KCNIP4: variants seen among roughly 807,000 people sequenced by gnomAD.
KCNIP4 encodes potassium voltage-gated channel interacting protein 4.
A neutral mutation model predicts 34.0 loss-of-function variants in KCNIP4; 12 were observed. That is an observed-to-expected ratio of 0.35 (90% CI 0.23 to 0.57). The LOEUF (loss-of-function observed/expected upper bound fraction) is 0.57, where lower values mean the gene tolerates loss of function less well. KCNIP4 is among the 20% of genes least tolerant of loss of function. The probability of loss-of-function intolerance (pLI) is 0.83; values close to 1 mark genes in which losing one functional copy is unlikely to be tolerated. For missense variants in KCNIP4, 238 were observed against 311.7 expected, an observed-to-expected ratio of 0.76 and a Z score of 1.78; for synonymous variants, 124 against 102.2, an observed-to-expected ratio of 1.21 and a Z score of -1.29.
chr4:21,812,813 A>G (rs1252243317), intron 1 of KCNIP4, among the ~76,000 whole-genome samples: 3 of 152,200 alleles, frequency 2.0e-5, no homozygotes, highest in South Asian at 4.1e-4. Flanking sequence ...CTATTGGTCA[A>G]AATCACTGGT....
At chr4:21,219,876 A>G (rs940305776) in intron 1 of KCNIP4, among the ~76,000 whole-genome samples, 4 of 152,190 alleles carry the variant, frequency 2.6e-5, no homozygotes, top group Non-Finnish European at 2.9e-5. Flanking sequence ...TTTTCAGAAA[A>G]AGAAATATTA....
chr4:20,875,101 G>GA (rs541206821), intron 2 of KCNIP4, among the ~76,000 whole-genome samples: 2,414 of 142,556 alleles, frequency 0.017, 65 homozygotes, highest in African/African-American at 0.052. Flanking sequence ...CAGAGAGAAG[G>GA]AAAAAAAAAA....
chr4:21,844,006 A>G lies in KCNIP4; in HGVS notation c.61+104565T>C, dbSNP rs151084975. On this transcript the variant is annotated intron_variant, in intron 1 of 8. Coordinates refer to ENST00000382152, the MANE Select transcript of KCNIP4 (RefSeq NM_025221.6). ...CCCCTAAGCATAGTAACTGAAAGGA[A>G]TAGTAAGATAATAAATGAGTTCTCA... 7.2e-5 allele frequency: 11 copies of G among 152,212 alleles called. No homozygotes were observed. The East Asian group carries it at 2.1e-3, about 29-fold the overall frequency. 9.4% of individuals were successfully genotyped at this position (152,212 alleles called of 1,614,324 possible).
intron 1 of KCNIP4, among the ~76,000 whole-genome samples, chr4:21,664,426 AAT>A (rs1748685773): frequency 6.6e-6 from 1 of 152,172 alleles, no homozygotes; most frequent in Non-Finnish European, 1.5e-5. Context: ...AAAAAAAAAA[AAT>A]AGGAACCAGA....
intron 1 of KCNIP4, among the ~76,000 whole-genome samples, chr4:21,914,031 C>T (rs1370810194): frequency 2.0e-5 from 3 of 152,134 alleles, no homozygotes; most frequent in African/African-American, 4.8e-5. Flanking sequence ...GAAGACAAGA[C>T]TAGAGCCAGC....
chr4:21,304,436 C>G (rs573054264), intron 1 of KCNIP4: 2 of 152,464 alleles, frequency 1.3e-5, no homozygotes, highest in Non-Finnish European at 2.9e-5. Context: ...GCCGCCGCCA[C>G]CAGTGGCTTT....
intron 1 of KCNIP4, among the ~76,000 whole-genome samples, chr4:21,763,292 A>C (rs974966022): frequency 1.3e-5 from 2 of 152,176 alleles, no homozygotes; most frequent in African/African-American, 2.4e-5. Flanking sequence ...ATTACACACA[A>C]GGTGCTGGTG....
rs1303014719 is a variant in KCNIP4, at chr4:21,015,746, T to C, written c.62-133037A>G. Among the ~76,000 whole-genome samples, 11 of 135,730 alleles carry C rather than the reference T, an allele frequency of 8.1e-5. 1 individual carries two copies. Among genetic ancestry groups the C allele is most frequent in the Non-Finnish European group, 1.1e-4 (7 of 65,222 alleles). 89.0% of individuals were successfully genotyped at this position (135,730 alleles called of 152,430 possible). On this transcript the variant is annotated intron_variant, in intron 1 of 8. Transcript: ENST00000382152. ...TTATTTCTAGATATATATTATATAA[T>C]ATGATATATAAATATATACAATATA...
chr4:21,321,134 A>G (rs1230204839), intron 1 of KCNIP4, among the ~76,000 whole-genome samples: 4 of 152,150 alleles, frequency 2.6e-5, no homozygotes, highest in African/African-American at 9.7e-5. Flanking sequence ...ATACATTTGC[A>G]AAGTAATGAA....
chr4:20,748,142 C>T (rs1752755877), intron 5 of KCNIP4, among the ~76,000 whole-genome samples: 1 of 152,108 alleles, frequency 6.6e-6, no homozygotes, highest in Non-Finnish European at 1.5e-5. Flanking sequence ...TACAAAGGCT[C>T]CTCATCTCCT....
chr4:20,809,193 TA>T (rs1715429652), intron 3 of KCNIP4, among the ~76,000 whole-genome samples: 1 of 152,182 alleles, frequency 6.6e-6, no homozygotes, highest in South Asian at 2.1e-4. Flanking sequence ...TCTATATTCT[TA>T]GCAAATCATT....
chr4:21,385,279 G>A (rs1309560172), intron 1 of KCNIP4, among the ~76,000 whole-genome samples: 1 of 152,118 alleles, frequency 6.6e-6, no homozygotes, highest in African/African-American at 2.4e-5. Flanking sequence ...GCAAATGCTG[G>A]GTGATTTAAG....
intron 1 of KCNIP4, among the ~76,000 whole-genome samples, chr4:21,272,831 T>C (rs959976574): frequency 5.9e-5 from 9 of 152,224 alleles, no homozygotes; most frequent in Non-Finnish European, 1.2e-4. Context: ...TATATGCTAA[T>C]GGAATTCTAA....
intron 3 of KCNIP4, among the ~76,000 whole-genome samples, chr4:20,811,490 CAT>C (rs1491560499): frequency 4.7e-5 from 5 of 107,510 alleles, no homozygotes; most frequent in African/African-American, 6.3e-5. Context: ...TGTGTGTGTG[CAT>C]GTGTGTGTGT....
intron 1 of KCNIP4, among the ~76,000 whole-genome samples, chr4:21,471,980 A>G (rs1395310329): frequency 6.6e-6 from 1 of 152,172 alleles, no homozygotes; most frequent in Non-Finnish European, 1.5e-5. Context: ...TACTTCATGA[A>G]CTGAAATGTA....
intron 1 of KCNIP4, among the ~76,000 whole-genome samples, chr4:21,926,417 C>T (rs1729245473): frequency 6.6e-6 from 1 of 152,136 alleles, no homozygotes; most frequent in Non-Finnish European, 1.5e-5. Flanking sequence ...TATAACTTTG[C>T]TCGAGTCTAG....
At chr4:21,881,919 A>G (rs2109386056) in intron 1 of KCNIP4, among the ~76,000 whole-genome samples, 1 of 152,298 alleles carries the variant, frequency 6.6e-6, no homozygotes, top group Middle Eastern at 3.4e-3. Context: ...CATTTACTAT[A>G]GACCCGTATC....
Position 21,318,242 on chromosome 4 carries a change from G to A in KCNIP4, c.62-435533C>T, listed in dbSNP as rs114679467. On this transcript the variant is annotated intron_variant, in intron 1 of 8. Transcript: ENST00000382152. ...GCTATTCTCATTAGCTCATGTAAAG[G>A]TTTGCTAGGGAAAAAGATTGAAATT... Among the ~76,000 whole-genome samples the A allele has an allele frequency of 2.9e-3, 440 of 152,274 alleles. 3 individuals are homozygous for A. Among genetic ancestry groups the A allele is most frequent in the African/African-American group, 8.8e-3 (366 of 41,546 alleles).
At chr4:21,805,866 C>A (rs1721260702) in intron 1 of KCNIP4, among the ~76,000 whole-genome samples, 1 of 152,180 alleles carries the variant, frequency 6.6e-6, no homozygotes, top group South Asian at 2.1e-4. Context: ...CTTGGCAGGG[C>A]ATGATACAGG....
Sources: gnomAD v4.1 joint callset for allele counts (sites outside exome capture counted in the v4.1 genomes callset) on GRCh38, gnomAD v4.1.1 for gene constraint, MANE v1.5 for transcripts, NCBI Gene and HGNC (gene_info 2026-07-23, HGNC 2026-07-21) for gene names.